The following FBXL20 variants were observed in gnomAD, a reference collection of about 807,000 sequenced individuals.
FBXL20 encodes F-box/LRR-repeat protein 20.
Under a neutral mutation model 64.0 loss-of-function variants are expected in FBXL20, and 11 were observed. That is an observed-to-expected ratio of 0.17 (90% CI 0.11 to 0.28). The LOEUF (loss-of-function observed/expected upper bound fraction) is 0.28. Ranked by LOEUF, FBXL20 falls within the 10% of genes least tolerant of loss-of-function variation. FBXL20 has a pLI of 1.00. For synonymous variants in FBXL20, 184 were observed against 189.0 expected (o/e 0.97, Z 0.22); for missense variants, 303 against 526.2 (o/e 0.58, Z 4.15).
At chr17:39,315,393 T>TATA (rs2047276208) in intron 2 of FBXL20, among the ~76,000 whole-genome samples, 1 of 134,552 alleles carries the variant, frequency 7.4e-6, no homozygotes. Flanking sequence ...TTTAAATAAT[T>TATA]TATATATATA....
intron 1 of FBXL20, among the ~76,000 whole-genome samples, chr17:39,361,217 A>G (rs1346053869): frequency 6.6e-6 from 1 of 152,066 alleles, no homozygotes; most frequent in Non-Finnish European, 1.5e-5. Flanking sequence ...GGTCTAGAAG[A>G]AGGAGTTGGA....
At chr17:39,383,653 G>A (rs994790769) in intron 1 of FBXL20, among the ~76,000 whole-genome samples, 3 of 148,444 alleles carry the variant, frequency 2.0e-5, no homozygotes, top group African/African-American at 5.0e-5. Flanking sequence ...GCAGTGGCGC[G>A]ATCTCGGCTC....
intron 2 of FBXL20, among the ~76,000 whole-genome samples, chr17:39,308,405 G>A (rs1315683651): frequency 4.6e-5 from 7 of 151,938 alleles, no homozygotes; most frequent in African/African-American, 1.7e-4. Flanking sequence ...TAAGGAAAGA[G>A]GATCACTTGA....
At chr17:39,293,408 A>G (rs2047058223) in intron 6 of FBXL20, among the ~76,000 whole-genome samples, 2 of 151,158 alleles carry the variant, frequency 1.3e-5, no homozygotes, top group African/African-American at 4.9e-5. Context: ...TTTTTAGTAG[A>G]GATGGGGTTT....
At chr17:39,330,836 C>T (rs1180845041) in intron 2 of FBXL20, among the ~76,000 whole-genome samples, 2 of 152,092 alleles carry the variant, frequency 1.3e-5, no homozygotes, top group East Asian at 1.9e-4. Context: ...AAATAACATC[C>T]TACAGAGAGG....
intron 6 of FBXL20, among the ~76,000 whole-genome samples, chr17:39,292,464 G>C (rs1251015858): frequency 7.1e-6 from 1 of 139,886 alleles, no homozygotes; most frequent in Non-Finnish European, 1.5e-5. Context: ...CATGATCACA[G>C]TGCACTGCAG....
At chr17:39,267,868 G>A (rs1454359351) in intron 12 of FBXL20, among the ~76,000 whole-genome samples, 3 of 152,126 alleles carry the variant, frequency 2.0e-5, no homozygotes, top group Admixed American at 6.6e-5. Flanking sequence ...AAACGGATGC[G>A]AACAAGTTTT....
At chr17:39,340,863 C>T (rs1248230053) in intron 2 of FBXL20, among the ~76,000 whole-genome samples, 1 of 151,342 alleles carries the variant, frequency 6.6e-6, no homozygotes, top group East Asian at 1.9e-4. Context: ...ATATTAAACT[C>T]AATGAATTTT....
intron 2 of FBXL20, among the ~76,000 whole-genome samples, chr17:39,336,753 G>A (rs1225668746): frequency 1.3e-5 from 2 of 151,644 alleles, no homozygotes; most frequent in Non-Finnish European, 2.9e-5. Flanking sequence ...GAACCTGGGA[G>A]GCAGAGGTTG....
chr17:39,327,331 A>G (rs2047418351), intron 2 of FBXL20, among the ~76,000 whole-genome samples: 1 of 152,204 alleles, frequency 6.6e-6, no homozygotes. Flanking sequence ...AGCTCCAATT[A>G]GATTTTCTTC....
At chr17:39,285,651 T>TA in intron 6 of FBXL20, 78 bp from the exon 7 acceptor site, 3 of 881,764 alleles carry the variant, frequency 3.4e-6, no homozygotes, top group Non-Finnish European at 5.1e-6. Context: ...ACTGTTCTTA[T>TA]TAAACACATG....
At chr17:39,379,463 A>G (rs1428956997) in intron 1 of FBXL20, among the ~76,000 whole-genome samples, 1 of 146,132 alleles carries the variant, frequency 6.8e-6, no homozygotes, top group Non-Finnish European at 1.5e-5. Context: ...CCTTGGCAAC[A>G]TAGCAAGACC....
At chr17:39,394,486 C>G (rs1024993767) in intron 1 of FBXL20, among the ~76,000 whole-genome samples, 1 of 151,626 alleles carries the variant, frequency 6.6e-6, no homozygotes, top group African/African-American at 2.4e-5. Context: ...ACCGTGTTAG[C>G]CAGGATGGTC....
chr17:39,334,482 T>TA (rs34035047), intron 2 of FBXL20, among the ~76,000 whole-genome samples: 186 of 141,566 alleles, frequency 1.3e-3, no homozygotes, highest in African/African-American at 1.8e-3. Context: ...CTAAAAAAAT[T>TA]AAAAAAAAAA....
chr17:39,287,503 G>A (rs1260335180), intron 6 of FBXL20, among the ~76,000 whole-genome samples: 9 of 152,020 alleles, frequency 5.9e-5, no homozygotes, highest in Non-Finnish European at 5.9e-5. Context: ...CAACTCCTGG[G>A]CTCAAGCGAT....
chr17:39,401,614 C>G lies in FBXL20; in HGVS notation c.-212G>C, dbSNP rs1033540635. 180 of 1,401,944 alleles carry G rather than the reference C, an allele frequency of 1.3e-4. 1 individual carries two copies. Among genetic ancestry groups the G allele is most frequent in the South Asian group, 1.9e-4 (12 of 63,946 alleles). The allele number at this position is 1,401,944 out of a possible 1,614,324, so 86.8% of individuals were successfully genotyped here. Reference sequence around the variant, plus strand: ...GGCCGCAACGACTGCTCGTCGCTAGCTCGGCTCTCTCCTCAGCCTCAACTT... The same window carrying G: ...GGCCGCAACGACTGCTCGTCGCTAGGTCGGCTCTCTCCTCAGCCTCAACTT... On this transcript the variant is annotated 5_prime_UTR_variant, in exon 1 of 15. Transcript: ENST00000264658.
chr17:39,313,339 T>C (rs1309171352), intron 2 of FBXL20, among the ~76,000 whole-genome samples: 1 of 151,814 alleles, frequency 6.6e-6, no homozygotes. Context: ...GTTCAAGTGA[T>C]TCTCCTGCCT....
chr17:39,337,859 G>A (rs1024627427), intron 2 of FBXL20, among the ~76,000 whole-genome samples: 7 of 151,802 alleles, frequency 4.6e-5, no homozygotes, highest in Non-Finnish European at 1.0e-4. Context: ...CCCCGTCCAG[G>A]AGGGAGGAGG....
At chr17:39,318,178 T>C (rs1466814851) in intron 2 of FBXL20, among the ~76,000 whole-genome samples, 2 of 152,194 alleles carry the variant, frequency 1.3e-5, no homozygotes, top group Non-Finnish European at 2.9e-5. Context: ...CATTATACCA[T>C]GTTGTCTACT....
Sources: allele counts gnomAD v4.1 joint callset (sites outside exome capture counted in the v4.1 genomes callset), GRCh38; gene constraint gnomAD v4.1.1; transcripts MANE v1.5; gene names NCBI Gene and HGNC (gene_info 2026-07-23, HGNC 2026-07-21).